Variants in MAN1A2 observed in about 807,000 individuals in gnomAD.
MAN1A2 encodes the protein mannosyl-oligosaccharide 1,2-alpha-mannosidase IB.
MAN1A2 carries 26 observed loss-of-function variants against 75.7 expected under a neutral mutation model. The ratio of observed to expected loss-of-function variants is 0.34; its 90% CI spans 0.25 to 0.48. The LOEUF (loss-of-function observed/expected upper bound fraction) is 0.48. Among genes scored for constraint, MAN1A2 ranks in the 20% least tolerant of loss-of-function variants. The pLI is 0.99. For synonymous variants in MAN1A2, 247 were observed against 264.6 expected (o/e 0.93, Z 0.65); for missense variants, 562 against 775.5 (o/e 0.72, Z 3.27).
intron 8 of MAN1A2, among the ~76,000 whole-genome samples, chr1:117,474,524 A>C (rs1451019363): frequency 2.6e-5 from 4 of 151,432 alleles, no homozygotes; most frequent in Non-Finnish European, 5.9e-5. Flanking sequence ...TTTAGTTTAG[A>C]TATATCTTTA....
intron 5 of MAN1A2, 53 bp from the exon 6 acceptor site, chr1:117,442,178 G>A: frequency 8.8e-7 from 1 of 1,140,136 alleles, no homozygotes; most frequent in Non-Finnish European, 1.3e-6. Flanking sequence ...AGAGCAATAA[G>A]TAAATGCTTA....
Position 117,372,558 on chromosome 1 carries a change from A to G in MAN1A2, c.302+4073A>G, listed in dbSNP as rs140416681. Among the ~76,000 whole-genome samples, 922 of 152,290 alleles carry G rather than the reference A, an allele frequency of 6.1e-3. 12 individuals are homozygous for G. The highest frequency in any genetic ancestry group is 0.011 in the Admixed American group (174 of 15,304). On this transcript the variant is annotated intron_variant, in intron 1 of 12. Transcript: ENST00000356554. ...ATAATCCAGAATTTTCAAACACTGT[A>G]GATACACTTTATAGATGATAAGGAT... is the stretch of plus-strand genomic sequence containing the variant.
chr1:117,373,485 T>TG (rs1372102702), intron 1 of MAN1A2, among the ~76,000 whole-genome samples: 2 of 72,734 alleles, frequency 2.7e-5, no homozygotes, highest in African/African-American at 6.5e-5. Context: ...GCTGCATTTG[T>TG]TTTTTTTTTT....
intron 5 of MAN1A2, among the ~76,000 whole-genome samples, chr1:117,430,323 C>A (rs1293664639): frequency 2.3e-5 from 3 of 131,244 alleles, no homozygotes; most frequent in Admixed American, 7.1e-5. Context: ...CCCCCCACCT[C>A]CCTCCCGGAC....
At chr1:117,403,966 G>GT (rs1483136379) in intron 2 of MAN1A2, among the ~76,000 whole-genome samples, 1 of 152,050 alleles carries the variant, frequency 6.6e-6, no homozygotes, top group Non-Finnish European at 1.5e-5. Context: ...TTTACTGAGA[G>GT]TTTTATCATG....
At chr1:117,495,814 G>C (rs1198299090) in intron 9 of MAN1A2, among the ~76,000 whole-genome samples, 1 of 151,894 alleles carries the variant, frequency 6.6e-6, no homozygotes, top group Non-Finnish European at 1.5e-5. Context: ...TTGTGCTTCA[G>C]AGTGCTATGG....
intron 8 of MAN1A2, among the ~76,000 whole-genome samples, chr1:117,483,849 C>G (rs1020778822): frequency 6.6e-6 from 1 of 152,036 alleles, no homozygotes; most frequent in African/African-American, 2.4e-5. Context: ...TTTGCCCATT[C>G]AGTATGCTAT....
intron 5 of MAN1A2, among the ~76,000 whole-genome samples, chr1:117,439,257 C>G (rs535993968): frequency 1.3e-5 from 2 of 152,018 alleles, no homozygotes; most frequent in East Asian, 1.9e-4. Context: ...AGGTATATAC[C>G]CTTATTAAGG....
At chr1:117,480,841 C>T (rs935300699) in intron 8 of MAN1A2, among the ~76,000 whole-genome samples, 1 of 151,796 alleles carries the variant, frequency 6.6e-6, no homozygotes, top group African/African-American at 2.4e-5. Context: ...AAGAGTTAAT[C>T]CCTCTGTTCA....
chr1:117,421,240 G>C (rs1004604123), intron 5 of MAN1A2, among the ~76,000 whole-genome samples: 1 of 151,910 alleles, frequency 6.6e-6, no homozygotes, highest in African/African-American at 2.4e-5. Flanking sequence ...AAAGGAAGAG[G>C]TTATAAGTCA....
chr1:117,516,875 T>G (rs1406180838), intron 12 of MAN1A2, among the ~76,000 whole-genome samples: 2 of 152,102 alleles, frequency 1.3e-5, no homozygotes, highest in Non-Finnish European at 1.5e-5. Context: ...ACCAAGGGAA[T>G]GCACTGGAGT....
At chr1:117,403,594 A>G (rs1647514121) in intron 2 of MAN1A2, among the ~76,000 whole-genome samples, 1 of 152,202 alleles carries the variant, frequency 6.6e-6, no homozygotes. Context: ...AACTCAGCAT[A>G]TAGAAACATG....
chr1:117,517,610 T>C (rs1408143253), intron 12 of MAN1A2, among the ~76,000 whole-genome samples: 1 of 151,972 alleles, frequency 6.6e-6, no homozygotes, highest in Non-Finnish European at 1.5e-5. Context: ...AAAATAAGAA[T>C]CTTATAAAAA....
At chr1:117,481,685 T>A (rs374054570) in intron 8 of MAN1A2, among the ~76,000 whole-genome samples, 1 of 151,948 alleles carries the variant, frequency 6.6e-6, no homozygotes, top group Admixed American at 6.6e-5. Flanking sequence ...CTTCATGTGG[T>A]CTCATCATCT....
intron 7 of MAN1A2, 140 bp from the exon 8 acceptor site, chr1:117,466,193 TC>T (rs767877056): frequency 3.4e-5 from 18 of 526,338 alleles, no homozygotes; most frequent in Non-Finnish European, 5.1e-5. Context: ...TTCCCTGACT[TC>T]CCCCTGCCCC....
intron 3 of MAN1A2, among the ~76,000 whole-genome samples, chr1:117,410,737 AG>A (rs1647785179): frequency 2.0e-5 from 3 of 150,538 alleles, no homozygotes; most frequent in Non-Finnish European, 4.5e-5. Flanking sequence ...AAAAGGTGCT[AG>A]AATAAACAAA....
chr1:117,422,994 C>T (rs556693850), intron 5 of MAN1A2, among the ~76,000 whole-genome samples: 6 of 152,248 alleles, frequency 3.9e-5, no homozygotes, highest in African/African-American at 1.4e-4. Flanking sequence ...AATCCAACAT[C>T]ACAAAGATTT....
chr1:117,496,557 A>G (rs1271690090), intron 9 of MAN1A2, among the ~76,000 whole-genome samples: 2 of 151,970 alleles, frequency 1.3e-5, no homozygotes, highest in African/African-American at 4.8e-5. Context: ...CTGTCTTATT[A>G]TGGTAGTGAT....
In MAN1A2 at chr1:117,402,399, A is replaced by G. The variant is rs769188016; in HGVS notation, c.516A>G (p.Pro172=). The change falls in exon 2 of 13, where the codon CCA becomes CCG. Residue 172 remains proline, a synonymous_variant. Transcript: ENST00000356554. ...TTGTAGGAATACGTGGTGGAGACCCAGAAGATAATGACATAAGAGAGAAAA... is the reference window on the plus strand; with the variant it reads ...TTGTAGGAATACGTGGTGGAGACCCGGAAGATAATGACATAAGAGAGAAAA... ...PNLVGIRGGD[P]EDNDIREKRE... 6.2e-7 allele frequency: 1 copy of G among 1,611,234 alleles called. No homozygotes were observed. Among genetic ancestry groups the G allele is most frequent in the South Asian group, 1.1e-5 (1 of 90,232 alleles).
Sources: allele counts gnomAD v4.1 joint callset (sites outside exome capture counted in the v4.1 genomes callset), GRCh38; gene constraint gnomAD v4.1.1; transcripts MANE v1.5; gene names NCBI Gene and HGNC (gene_info 2026-07-23, HGNC 2026-07-21).